Variants in C6orf132 observed in about 807,000 individuals in gnomAD.
C6orf132 encodes the protein chromosome 6 open reading frame 132.
C6orf132 carries 43 observed loss-of-function variants against 65.3 expected under a neutral mutation model. The ratio of observed to expected loss-of-function variants is 0.66; its 90% CI spans 0.52 to 0.85. C6orf132 has a LOEUF of 0.85. Ranked by LOEUF, C6orf132 falls within the 40% of genes least tolerant of loss-of-function variation. The probability of loss-of-function intolerance (pLI) is 0.00; values close to 1 mark genes in which losing one functional copy is unlikely to be tolerated. For missense variants in C6orf132, 1,488 were observed against 1,548.8 expected (o/e 0.96, Z 0.66); for synonymous variants, 631 against 654.1 (o/e 0.96, Z 0.54).
At chr6:42,139,332 G>A (rs1766998973) in intron 1 of C6orf132, among the ~76,000 whole-genome samples, 1 of 152,186 alleles carries the variant, frequency 6.6e-6, no homozygotes, top group Non-Finnish European at 1.5e-5. Context: ...TTAGGAAGAG[G>A]AGCTGAAGCA....
At chr6:42,129,784 T>C (rs1195733551) in intron 1 of C6orf132, among the ~76,000 whole-genome samples, 3 of 152,150 alleles carry the variant, frequency 2.0e-5, no homozygotes, top group African/African-American at 7.2e-5. Context: ...TTTAACGAAG[T>C]GTGGAGGACT....
chr6:42,140,671 C>A lies in C6orf132; in HGVS notation c.145+1629G>T, dbSNP rs533320015. Among the ~76,000 whole-genome samples the A allele has an allele frequency of 1.1e-4, 17 of 152,324 alleles. 1 individual carries two copies. The South Asian group carries it at 3.3e-3, about 30-fold the overall frequency. On this transcript the variant is annotated intron_variant, in intron 1 of 4. Coordinates refer to ENST00000341865, the MANE Select transcript of C6orf132 (RefSeq NM_001164446.3). ...GGACTTAGAAAAATGCTGCCTCCAG[C>A]ATTGAAAGCTGTATGATCTTGGGCA...
At position 42,124,419 on chromosome 6, in the gene C6orf132, G is replaced by A. The variant is rs930421371; in HGVS notation, c.252+4253C>T. ...GGCAGGCTCCTGTAGGGCACTGACA[G>A]GGAGGGTAGGCTCAGAAGATGGCCC... is the stretch of plus-strand genomic sequence containing the variant. On this transcript the variant is annotated intron_variant, in intron 2 of 4. Transcript: ENST00000341865. This position sits in a 1 kb window ranked among gnomAD's most constrained non-coding sequence, Gnocchi z 4.0. Among the ~76,000 whole-genome samples the A allele has an allele frequency of 6.6e-6, 1 of 152,256 alleles. No individual in the cohort carries two copies. The highest frequency in any genetic ancestry group is 2.4e-5 in the African/African-American group (1 of 41,466).
At chr6:42,109,636 G>A (rs758974779) in intron 3 of C6orf132, among the ~76,000 whole-genome samples, 13 of 152,026 alleles carry the variant, frequency 8.6e-5, no homozygotes, top group African/African-American at 1.4e-4. Context: ...TGCTGTGGCC[G>A]GGGCAGTGTG....
At chr6:42,118,868 A>ATTT (rs546407195) in intron 2 of C6orf132, among the ~76,000 whole-genome samples, 24 of 113,200 alleles carry the variant, frequency 2.1e-4, no homozygotes, top group South Asian at 3.1e-4. Flanking sequence ...CAGCCCTTTA[A>ATTT]TTTTTTTTTT....
At chr6:42,110,794 T>C (rs1199612970) in intron 2 of C6orf132, among the ~76,000 whole-genome samples, 4 of 152,230 alleles carry the variant, frequency 2.6e-5, no homozygotes, top group Non-Finnish European at 2.9e-5. Context: ...ATCCTCTTGT[T>C]CAGCTGGGAA....
intron 1 of C6orf132, among the ~76,000 whole-genome samples, chr6:42,130,922 G>T (rs1313050590): frequency 2.6e-5 from 4 of 152,030 alleles, no homozygotes; most frequent in Non-Finnish European, 4.4e-5. Flanking sequence ...CCTGTGCTCT[G>T]TCGCTCAGGC....
chr6:42,131,634 G>A (rs1326167231), intron 1 of C6orf132, among the ~76,000 whole-genome samples: 2 of 152,282 alleles, frequency 1.3e-5, no homozygotes, highest in Non-Finnish European at 2.9e-5. Context: ...GGGAAGCAAC[G>A]GGAGGTGAGG....
At chr6:42,117,896 C>A (rs1169592665) in intron 2 of C6orf132, among the ~76,000 whole-genome samples, 2 of 127,940 alleles carry the variant, frequency 1.6e-5, no homozygotes. Flanking sequence ...TGCACTCCAG[C>A]CTGAGTGACA....
chr6:42,142,562 T>G lies in C6orf132; in HGVS notation c.-118A>C. 22 of 579,286 alleles carry G rather than the reference T, an allele frequency of 3.8e-5. No individual in the cohort carries two copies. The highest frequency in any genetic ancestry group is 4.7e-5 in the Non-Finnish European group (20 of 424,032). 35.9% of individuals were successfully genotyped at this position (579,286 alleles called of 1,614,324 possible). A position where few individuals can be genotyped will look rare whatever the true frequency, so the allele number is the denominator to read the frequency against. On this transcript the variant is annotated 5_prime_UTR_variant, in exon 1 of 5. Transcript: ENST00000341865. ...CTCTACCAGGCCATGTCCCCCGCCGTCCTCCCCGCCCGCGCACCGGGCAAC... is the reference window on the plus strand; with the variant it reads ...CTCTACCAGGCCATGTCCCCCGCCGGCCTCCCCGCCCGCGCACCGGGCAAC...
chr6:42,137,571 G>A lies in C6orf132; in HGVS notation c.145+4729C>T, dbSNP rs2127480382. On this transcript the variant is annotated intron_variant, in intron 1 of 4. Coordinates refer to ENST00000341865, the MANE Select transcript of C6orf132 (RefSeq NM_001164446.3). Reference sequence around the variant, plus strand: ...CTGCAGCCACACCAGAGGGCACGAGGGTCCTCCTGATAAGGAGCTGGTGAC... The same window carrying A: ...CTGCAGCCACACCAGAGGGCACGAGAGTCCTCCTGATAAGGAGCTGGTGAC... 1.3e-5 allele frequency among the ~76,000 whole-genome samples: 2 copies of A among 152,186 alleles called. 1 individual carries two copies. The highest frequency in any genetic ancestry group is 4.2e-4 in the South Asian group (2 of 4,814).
chr6:42,142,193 G>A, intron 1 of C6orf132, 107 bp downstream of exon 1: 1 of 1,300,916 alleles, frequency 7.7e-7, no homozygotes, highest in East Asian at 2.5e-5. Flanking sequence ...CCAGTCCGCA[G>A]GTTCCAACGT....
intron 1 of C6orf132, among the ~76,000 whole-genome samples, chr6:42,135,085 A>G (rs1766918098): frequency 6.6e-6 from 1 of 152,134 alleles, no homozygotes; most frequent in African/African-American, 2.4e-5. Flanking sequence ...CCTTCCACCA[A>G]GAGTTTGGGC....
At chr6:42,112,385 A>C (rs1766509734) in intron 2 of C6orf132, among the ~76,000 whole-genome samples, 1 of 152,228 alleles carries the variant, frequency 6.6e-6, no homozygotes, top group Admixed American at 6.5e-5. Flanking sequence ...GGGGTAGGGG[A>C]TAAGAGCATT....
chr6:42,107,899 GT>G (rs771869215), intron 3 of C6orf132, among the ~76,000 whole-genome samples: 6 of 152,264 alleles, frequency 3.9e-5, no homozygotes, highest in African/African-American at 9.6e-5. Context: ...GAGATGGGGG[GT>G]GGGGACAAGA....
chr6:42,119,074 AAAAAAAAAAAG>A (rs1247713015), intron 2 of C6orf132, among the ~76,000 whole-genome samples: 3 of 147,162 alleles, frequency 2.0e-5, no homozygotes, highest in African/African-American at 7.5e-5. Context: ...TACAAAAAAA[AAAAAAAAAAAG>A]AAAAAAAAAA....
At chr6:42,136,368 G>A (rs1163449415) in intron 1 of C6orf132, among the ~76,000 whole-genome samples, 6 of 152,118 alleles carry the variant, frequency 3.9e-5, no homozygotes, top group Non-Finnish European at 7.4e-5. Flanking sequence ...AGGAGGGCTG[G>A]GGCCCCAAAT....
At chr6:42,123,109 C>T (rs1032438894) in intron 2 of C6orf132, among the ~76,000 whole-genome samples, 12 of 151,838 alleles carry the variant, frequency 7.9e-5, no homozygotes, top group African/African-American at 2.4e-4. Context: ...AGGCCGGGCG[C>T]GGTGGCTCAC....
chr6:42,110,328 A>G (rs1275285865), intron 2 of C6orf132, 37 bp from the exon 3 acceptor site: 5 of 1,483,476 alleles, frequency 3.4e-6, no homozygotes, highest in African/African-American at 2.8e-5. Flanking sequence ...GGACAGGGAA[A>G]GATGGACAGA....
Sources: gnomAD v4.1 joint callset for allele counts (sites outside exome capture counted in the v4.1 genomes callset) on GRCh38, gnomAD v4.1.1 for gene constraint, Gnocchi (gnomAD v3.1) non-coding constraint, MANE v1.5 for transcripts, NCBI Gene and HGNC (gene_info 2026-07-23, HGNC 2026-07-21) for gene names.